The following HSPBAP1 variants were observed in gnomAD, a reference collection of about 807,000 sequenced individuals.
HSPBAP1 encodes HSPB1-associated protein 1.
A neutral mutation model predicts 45.2 loss-of-function variants in HSPBAP1; 27 were observed. The ratio of observed to expected loss-of-function variants is 0.60; its 90% CI spans 0.44 to 0.82. The LOEUF is 0.82. HSPBAP1 is among the 40% of genes least tolerant of loss of function. HSPBAP1 has a pLI of 0.00. For synonymous variants in HSPBAP1, 204 were observed against 202.7 expected, an observed-to-expected ratio of 1.01 and a Z score of -0.06; for missense variants, 510 against 590.9, an observed-to-expected ratio of 0.86 and a Z score of 1.42.
At chr3:122,755,565 G>C in intron 4 of HSPBAP1, 134 bp from the exon 5 acceptor site, 1 of 581,488 alleles carries the variant, frequency 1.7e-6, no homozygotes, top group Non-Finnish European at 2.7e-6. Flanking sequence ...CACCATCAGT[G>C]GTCACCTGTC....
At chr3:122,757,769 A>G (rs1296898780) in intron 4 of HSPBAP1, among the ~76,000 whole-genome samples, 1 of 152,242 alleles carries the variant, frequency 6.6e-6, no homozygotes, top group Non-Finnish European at 1.5e-5. Context: ...TATTAACTTT[A>G]TATCATAGAG....
In HSPBAP1 at chr3:122,755,382, T is replaced by G; in HGVS notation, c.619A>C (p.Thr207Pro). ...CTAGATTCTTCATAAGGGATTCTAG[T>G]TGGATAAAGGAAAGGAGTATCTTCA... ...PPEDTPFLYPTRIPYEESSVF... is the reference protein window; with the variant it reads ...PPEDTPFLYPPRIPYEESSVF... Residue 207 changes from threonine to proline, a missense_variant, in exon 5 of 8, where the codon ACT (threonine) becomes CCT (proline). Physicochemically the swap from Thr to Pro is conservative, Grantham distance 38. Transcript: ENST00000306103. The G allele has an allele frequency of 3.8e-6, 6 of 1,589,676 alleles. No homozygotes were observed. Among genetic ancestry groups the G allele is most frequent in the Non-Finnish European group, 5.1e-6 (6 of 1,168,262 alleles).
rs938232031 is a variant in HSPBAP1, at chr3:122,793,624, C to T, written c.57G>A (p.Gly19=). ...TPVIVAAGAG[G]EEGEHVKPFK... ...CCTCAGCCTGGCACCTACCTTCCTC[C>T]CCTCCAGCCCCAGCCGCAACGATCA... The change falls in exon 1 of 8, where the codon GGG becomes GGA. Residue 19 remains glycine, a synonymous_variant. Coordinates refer to ENST00000306103, the MANE Select transcript of HSPBAP1 (RefSeq NM_024610.6). 3.1e-6 allele frequency: 5 copies of T among 1,613,696 alleles called. No individual in the cohort carries two copies. Among genetic ancestry groups the T allele is most frequent in the Non-Finnish European group, 4.2e-6 (5 of 1,179,964 alleles).
intron 2 of HSPBAP1, among the ~76,000 whole-genome samples, chr3:122,774,689 C>G (rs1003333964): frequency 4.6e-5 from 7 of 152,164 alleles, no homozygotes; most frequent in Non-Finnish European, 8.8e-5. Flanking sequence ...GGCCACGCAA[C>G]TATGGAGGTG....
At chr3:122,771,926 T>C (rs1041690906) in intron 2 of HSPBAP1, among the ~76,000 whole-genome samples, 14 of 152,182 alleles carry the variant, frequency 9.2e-5, no homozygotes, top group African/African-American at 3.1e-4. Flanking sequence ...TAAAATCATA[T>C]GCCTGTCTAA....
At chr3:122,787,144 T>C (rs1935684333) in intron 1 of HSPBAP1, among the ~76,000 whole-genome samples, 1 of 152,238 alleles carries the variant, frequency 6.6e-6, no homozygotes, top group South Asian at 2.1e-4. Context: ...AGATTAGTGA[T>C]CTGGGTGTTA....
chr3:122,793,542 G>T, intron 1 of HSPBAP1, 75 bp downstream of exon 1: 1 of 1,358,494 alleles, frequency 7.4e-7, no homozygotes, highest in Non-Finnish European at 1.1e-6. Flanking sequence ...AAGGCAAACG[G>T]CCCCACGAGG....
chr3:122,792,982 TCA>T (rs1294613851), intron 1 of HSPBAP1, among the ~76,000 whole-genome samples: 1 of 152,124 alleles, frequency 6.6e-6, no homozygotes, highest in Non-Finnish European at 1.5e-5. Flanking sequence ...CTAACAACCC[TCA>T]CAGAGTGTAC....
intron 5 of HSPBAP1, 55 bp from the exon 6 acceptor site, chr3:122,752,729 T>G (rs767434580): frequency 4.7e-5 from 71 of 1,495,720 alleles, no homozygotes; most frequent in Non-Finnish European, 1.4e-5. Flanking sequence ...CATTTTTATG[T>G]CAGAATCAGA....
At chr3:122,775,460 T>G (rs1004003637) in intron 2 of HSPBAP1, among the ~76,000 whole-genome samples, 2 of 152,128 alleles carry the variant, frequency 1.3e-5, no homozygotes, top group African/African-American at 2.4e-5. Context: ...TACACTAGAA[T>G]AGTTATAATT....
chr3:122,746,642 C>G (rs968773619), intron 6 of HSPBAP1, among the ~76,000 whole-genome samples: 1 of 151,868 alleles, frequency 6.6e-6, no homozygotes, highest in African/African-American at 2.4e-5. Context: ...CTCCTCTCCC[C>G]TCTCCCCTCT....
At chr3:122,747,289 G>A (rs1228504916) in intron 6 of HSPBAP1, among the ~76,000 whole-genome samples, 2 of 150,468 alleles carry the variant, frequency 1.3e-5, no homozygotes, top group African/African-American at 4.9e-5. Context: ...GATGTGGGGA[G>A]CGCCTCTGCC....
At position 122,768,880 on chromosome 3, in the gene HSPBAP1, G is replaced by C. The variant is rs753784584; in HGVS notation, c.253C>G (p.Pro85Ala). 1 of 1,594,524 alleles carries C rather than the reference G, an allele frequency of 6.3e-7. No individual in the cohort carries two copies. Reference sequence around the variant, plus strand: ...TAATTACATGTAGTTTCAAACTGAGGAACTGCAATGTAAGAGAATGCAACC... The same window carrying C: ...TAATTACATGTAGTTTCAAACTGAGCAACTGCAATGTAAGAGAATGCAACC... ...RMGMKSMSTV[P>A]QFETTCNYVE... is the part of the protein sequence containing the mutation. The change falls in exon 3 of 8, where the codon CCT (proline) becomes GCT (alanine). Residue 85 changes from proline to alanine, a missense_variant and splice_region_variant. Transcript: ENST00000306103.
chr3:122,779,811 C>G (rs1576270330), intron 1 of HSPBAP1, among the ~76,000 whole-genome samples: 1 of 152,078 alleles, frequency 6.6e-6, no homozygotes, highest in East Asian at 1.9e-4. Flanking sequence ...TTTCAGAGAG[C>G]ACAGGGTTGG....
intron 6 of HSPBAP1, among the ~76,000 whole-genome samples, chr3:122,746,705 C>CAAA (rs1933873126): frequency 1.3e-5 from 2 of 151,802 alleles, no homozygotes; most frequent in Admixed American, 1.3e-4. Flanking sequence ...GATGCCGAGC[C>CAAA]GAAGCTGGAC....
intron 1 of HSPBAP1, among the ~76,000 whole-genome samples, chr3:122,790,643 T>C (rs1238964661): frequency 6.6e-6 from 1 of 152,228 alleles, no homozygotes; most frequent in Admixed American, 6.5e-5. Context: ...CTGTTTACCA[T>C]GTGCCATTCA....
chr3:122,760,710 T>G (rs1159261144), intron 3 of HSPBAP1, among the ~76,000 whole-genome samples: 2 of 152,178 alleles, frequency 1.3e-5, no homozygotes, highest in South Asian at 2.1e-4. Flanking sequence ...TCTCTCTGCA[T>G]GTAGCCTATA....
intron 1 of HSPBAP1, among the ~76,000 whole-genome samples, chr3:122,779,715 G>A (rs541264071): frequency 5.7e-4 from 85 of 149,760 alleles, no homozygotes; most frequent in African/African-American, 1.9e-3. Flanking sequence ...GACTCTTAAC[G>A]AGCATGCTGC....
intron 4 of HSPBAP1, among the ~76,000 whole-genome samples, chr3:122,758,493 C>A (rs1318948481): frequency 6.6e-6 from 1 of 152,166 alleles, no homozygotes; most frequent in African/African-American, 2.4e-5. Context: ...TGGAGAGGAG[C>A]TTGAGGGCAA....
Sources: allele counts gnomAD v4.1 joint callset (sites outside exome capture counted in the v4.1 genomes callset), GRCh38; gene constraint gnomAD v4.1.1; transcripts MANE v1.5; gene names NCBI Gene and HGNC (gene_info 2026-07-23, HGNC 2026-07-21).